The following ADGB variants were observed in gnomAD, a reference collection of about 807,000 sequenced individuals.
The protein encoded by ADGB is androglobin.
Under a neutral mutation model 210.5 loss-of-function variants are expected in ADGB, and 172 were observed. That is an observed-to-expected ratio of 0.82 (90% CI 0.72 to 0.93). ADGB has a LOEUF of 0.93. ADGB is among the 40% of genes least tolerant of loss of function. The pLI is 0.00. For synonymous variants in ADGB, 658 were observed against 662.7 expected (o/e 0.99, Z 0.11); for missense variants, 2,025 against 1,964.8 (o/e 1.03, Z -0.58).
chr6:146,704,172 T>C (rs1730869919), intron 13 of ADGB, among the ~76,000 whole-genome samples: 1 of 151,972 alleles, frequency 6.6e-6, no homozygotes, highest in African/African-American at 2.4e-5. Context: ...TCCTTGATGA[T>C]GAGTTGTTTG....
chr6:146,607,248 G>T (rs1386148354), intron 1 of ADGB, among the ~76,000 whole-genome samples: 2 of 152,176 alleles, frequency 1.3e-5, no homozygotes, highest in Non-Finnish European at 2.9e-5. Context: ...CATTGGCTTT[G>T]TATCCTGAAA....
intron 33 of ADGB, among the ~76,000 whole-genome samples, chr6:146,792,299 G>A (rs1777965563): frequency 6.6e-6 from 1 of 152,100 alleles, no homozygotes; most frequent in Non-Finnish European, 1.5e-5. Context: ...TTGAATTCGT[G>A]GATTGCTTTG....
chr6:146,648,074 T>C (rs1265529856), intron 3 of ADGB, among the ~76,000 whole-genome samples: 2 of 152,122 alleles, frequency 1.3e-5, no homozygotes, highest in African/African-American at 4.8e-5. Flanking sequence ...ATGTGGTCTT[T>C]TTAAAATAAT....
chr6:146,728,537 G>C, intron 19 of ADGB, 37 bp from the exon 20 acceptor site: 8 of 1,536,866 alleles, frequency 5.2e-6, no homozygotes, highest in Non-Finnish European at 7.0e-6. Context: ...GACACTTAAG[G>C]ATGAGTGAGG....
At chr6:146,654,484 C>T (rs1371794102) in intron 4 of ADGB, among the ~76,000 whole-genome samples, 1 of 152,000 alleles carries the variant, frequency 6.6e-6, no homozygotes, top group South Asian at 2.1e-4. Context: ...TTCCTGGTAG[C>T]TGGGACTACA....
In ADGB at chr6:146,752,642, T is replaced by C; in HGVS notation, c.3478T>C (p.Ser1160Pro). The stretch of plus-strand genomic sequence containing the variant: ...AGAAAATGAAGAAACTATGGTGAGC[T>C]CCACTGGAAAAGGCCAAGCTATAAT... ...VLENEETMVS[S>P]TGKGQAIIPA... The change falls in exon 27 of 36, where the codon TCC becomes CCC. Residue 1160 changes from serine to proline, a missense_variant. Transcript: ENST00000397944. 1 of 1,550,986 alleles carries C rather than the reference T, an allele frequency of 6.4e-7. No homozygotes were observed. Among genetic ancestry groups the C allele is most frequent in the South Asian group, 1.2e-5 (1 of 84,016 alleles).
At chr6:146,787,964 G>C (rs1777901446) in intron 32 of ADGB, among the ~76,000 whole-genome samples, 1 of 152,132 alleles carries the variant, frequency 6.6e-6, no homozygotes. Flanking sequence ...AAAGAGCTCT[G>C]TTCAGCTCTA....
intron 20 of ADGB, among the ~76,000 whole-genome samples, chr6:146,731,777 G>T (rs1038794517): frequency 6.6e-6 from 1 of 151,836 alleles, no homozygotes; most frequent in African/African-American, 2.4e-5. Flanking sequence ...TAGTTTTATT[G>T]TAAATAATAC....
At chr6:146,741,669 A>G (rs1448670661) in intron 25 of ADGB, among the ~76,000 whole-genome samples, 2 of 152,138 alleles carry the variant, frequency 1.3e-5, no homozygotes, top group Non-Finnish European at 2.9e-5. Flanking sequence ...TATATTTCAG[A>G]AAATTGTAGT....
At position 146,802,957 on chromosome 6, in the gene ADGB, A is replaced by G. The variant is rs188624676; in HGVS notation, c.4818+946A>G. 98 of 1,610,078 alleles carry G rather than the reference A, an allele frequency of 6.1e-5. No homozygotes were observed. In the East Asian group the frequency reaches 2.1e-3, roughly 34 times the overall value. ...AAATTTGTTTTGGATGATAGTTCTG[A>G]CCACCACCTTTTAATGACTGCTTGA... On this transcript the variant is annotated intron_variant, in intron 35 of 35. Coordinates refer to ENST00000397944, the MANE Select transcript of ADGB (RefSeq NM_024694.4).
intron 35 of ADGB, among the ~76,000 whole-genome samples, chr6:146,804,537 C>T (rs1778182109): frequency 6.6e-6 from 1 of 152,060 alleles, no homozygotes; most frequent in Non-Finnish European, 1.5e-5. Flanking sequence ...TTCAGTTGCC[C>T]AAGCAGAGAC....
intron 28 of ADGB, among the ~76,000 whole-genome samples, chr6:146,768,380 T>C (rs1429563323): frequency 6.6e-6 from 1 of 152,142 alleles, no homozygotes; most frequent in African/African-American, 2.4e-5. Context: ...AATTAATGCA[T>C]ACATAGGTAA....
At chr6:146,609,349 A>G (rs144422388) in intron 1 of ADGB, among the ~76,000 whole-genome samples, 2 of 152,212 alleles carry the variant, frequency 1.3e-5, no homozygotes, top group African/African-American at 4.8e-5. Context: ...GTGCCTTTTA[A>G]GTGGGGTGTT....
chr6:146,641,046 T>C (rs1775505453), intron 2 of ADGB, among the ~76,000 whole-genome samples: 1 of 152,006 alleles, frequency 6.6e-6, no homozygotes, highest in African/African-American at 2.4e-5. Flanking sequence ...CTGCAGCTGA[T>C]AAACAACTTC....
intron 2 of ADGB, among the ~76,000 whole-genome samples, chr6:146,643,663 A>G (rs1468689228): frequency 6.6e-6 from 1 of 151,848 alleles, no homozygotes. Context: ...AATTAATTGC[A>G]TTCTTGGGCA....
At chr6:146,744,452 GA>G (rs1777200291) in intron 25 of ADGB, among the ~76,000 whole-genome samples, 1 of 152,116 alleles carries the variant, frequency 6.6e-6, no homozygotes, top group Admixed American at 6.6e-5. Context: ...CTAATCTTAT[GA>G]AAAAAGTAAA....
At chr6:146,613,168 G>A (rs1361600233) in intron 1 of ADGB, among the ~76,000 whole-genome samples, 6 of 152,190 alleles carry the variant, frequency 3.9e-5, no homozygotes, top group East Asian at 1.9e-4. Context: ...ACTCAAGCAC[G>A]ATGTATTGAA....
chr6:146,689,038 A>C (rs1776268164), intron 10 of ADGB, among the ~76,000 whole-genome samples: 1 of 152,190 alleles, frequency 6.6e-6, no homozygotes, highest in South Asian at 2.1e-4. Flanking sequence ...TAATGGTTTT[A>C]GTTTTATGTA....
At chr6:146,699,147 C>T (rs565599664) in intron 12 of ADGB, among the ~76,000 whole-genome samples, 5 of 151,988 alleles carry the variant, frequency 3.3e-5, no homozygotes, top group Admixed American at 3.3e-4. Flanking sequence ...GATAAAGATA[C>T]AAATATAGAT....
Sources: allele counts gnomAD v4.1 joint callset (sites outside exome capture counted in the v4.1 genomes callset), GRCh38; gene constraint gnomAD v4.1.1; transcripts MANE v1.5; gene names NCBI Gene and HGNC (gene_info 2026-07-23, HGNC 2026-07-21).